The following ANKRD13C variants were observed in gnomAD, a reference collection of about 807,000 sequenced individuals.
ANKRD13C encodes ankyrin repeat domain-containing protein 13C.
Under a neutral mutation model 65.5 loss-of-function variants are expected in ANKRD13C, and 16 were observed. The observed-to-expected ratio is 0.24, with a 90% CI of 0.17 to 0.37. The LOEUF is 0.37. Among genes scored for constraint, ANKRD13C ranks in the 10% least tolerant of loss-of-function variants. The probability of loss-of-function intolerance (pLI) is 1.00; values close to 1 mark genes in which losing one functional copy is unlikely to be tolerated. For missense variants in ANKRD13C, 503 were observed against 655.9 expected (o/e 0.77, Z 2.55); for synonymous variants, 235 against 238.7 (o/e 0.98, Z 0.14).
intron 1 of ANKRD13C, among the ~76,000 whole-genome samples, chr1:70,346,023 G>C (rs1295675514): frequency 3.3e-5 from 5 of 151,400 alleles, no homozygotes; most frequent in African/African-American, 1.2e-4. Context: ...ATAGAGACAG[G>C]GTCTCACTAT....
At chr1:70,338,404 T>TG (rs1553251757) in intron 1 of ANKRD13C, among the ~76,000 whole-genome samples, 3 of 151,686 alleles carry the variant, frequency 2.0e-5, no homozygotes, top group Admixed American at 6.6e-5. Context: ...AGAACAATTT[T>TG]TGTGTGTGTG....
At chr1:70,325,153 T>C (rs962200173) in intron 2 of ANKRD13C, among the ~76,000 whole-genome samples, 196 bp from the exon 3 acceptor site, 1 of 152,212 alleles carries the variant, frequency 6.6e-6, no homozygotes, top group Non-Finnish European at 1.5e-5. Flanking sequence ...ATTTAAAAAG[T>C]ATCCATTCTA....
At chr1:70,297,915 CA>C (rs10710510) in intron 7 of ANKRD13C, among the ~76,000 whole-genome samples, 112,701 of 127,192 alleles carry the variant, frequency 0.89, 49,628 homozygotes, top group East Asian at 0.92. Flanking sequence ...GACTCCATCT[CA>C]AAAAAAAAAA....
Position 70,262,584 on chromosome 1 carries a change from G to A in ANKRD13C, c.*133C>T, listed in dbSNP as rs897896825. 2.8e-5 allele frequency: 28 copies of A among 1,000,432 alleles called. No individual in the cohort carries two copies. The highest frequency in any genetic ancestry group is 2.3e-4 in the Middle Eastern group (1 of 4,362). The allele number at this position is 1,000,432 out of a possible 1,614,324, so 62.0% of individuals were successfully genotyped here. A position where few individuals can be genotyped will look rare whatever the true frequency, so the allele number is the denominator to read the frequency against. On this transcript the variant is annotated 3_prime_UTR_variant, in exon 13 of 13. Coordinates refer to ENST00000370944, the MANE Select transcript of ANKRD13C (RefSeq NM_030816.5). The stretch of plus-strand genomic sequence containing the variant: ...TATTAGAGGCCCATTTCACTGTATC[G>A]TATTACTGATGTGTCGATTCAATGT...
intron 1 of ANKRD13C, among the ~76,000 whole-genome samples, chr1:70,339,209 CAA>C (rs771059976): frequency 4.1e-4 from 41 of 99,882 alleles, no homozygotes; most frequent in Non-Finnish European, 3.9e-4. Context: ...GACCCTATCT[CAA>C]AAAAAAAAAA....
intron 3 of ANKRD13C, 84 bp from the exon 4 acceptor site, chr1:70,315,650 AT>A: frequency 9.7e-7 from 1 of 1,026,350 alleles, no homozygotes; most frequent in Non-Finnish European, 1.4e-6. Flanking sequence ...ATATAGATAG[AT>A]AATACATGTA....
chr1:70,264,551 C>G (rs1286497924), intron 12 of ANKRD13C, among the ~76,000 whole-genome samples: 1 of 145,536 alleles, frequency 6.9e-6, no homozygotes, highest in Non-Finnish European at 1.5e-5. Context: ...TTTTGGAACA[C>G]AACATGCCCA....
intron 12 of ANKRD13C, among the ~76,000 whole-genome samples, chr1:70,269,826 T>C (rs1413921453): frequency 6.6e-6 from 1 of 152,032 alleles, no homozygotes. Flanking sequence ...AATGAAAACA[T>C]TTTGGCCTAA....
intron 2 of ANKRD13C, among the ~76,000 whole-genome samples, chr1:70,330,348 C>T (rs114698679): frequency 0.051 from 7,747 of 151,850 alleles, 293 homozygotes; most frequent in Non-Finnish European, 0.073. Flanking sequence ...ACCTGAGGTA[C>T]GGGGTTTGAG....
At chr1:70,275,452 T>TA (rs532243380) in intron 10 of ANKRD13C, among the ~76,000 whole-genome samples, 4 of 151,012 alleles carry the variant, frequency 2.6e-5, no homozygotes, top group African/African-American at 9.7e-5. Flanking sequence ...CTTATACAGT[T>TA]AAAAAAACAG....
chr1:70,262,656 T>A lies in ANKRD13C; in HGVS notation c.*61A>T. 1 of 1,510,616 alleles carries A rather than the reference T, an allele frequency of 6.6e-7. No homozygotes were observed. The highest frequency in any genetic ancestry group is 8.9e-7 in the Non-Finnish European group (1 of 1,121,932). The allele number at this position is 1,510,616 out of a possible 1,614,324, so 93.6% of individuals were successfully genotyped here. Reference sequence around the variant, plus strand: ...AAAGCATTTGTCCCTTCTATTTGGATCCACTTCTAGGGTCTCTGTATTTTC... The same window carrying A: ...AAAGCATTTGTCCCTTCTATTTGGAACCACTTCTAGGGTCTCTGTATTTTC... On this transcript the variant is annotated 3_prime_UTR_variant, in exon 13 of 13. Transcript: ENST00000370944.
At chr1:70,271,742 A>G (rs922146124) in intron 11 of ANKRD13C, among the ~76,000 whole-genome samples, 2 of 152,204 alleles carry the variant, frequency 1.3e-5, no homozygotes, top group Non-Finnish European at 2.9e-5. Context: ...ATCATTCTGT[A>G]CCAATTTTTC....
At chr1:70,267,435 T>C (rs745510215) in intron 12 of ANKRD13C, among the ~76,000 whole-genome samples, 1 of 152,136 alleles carries the variant, frequency 6.6e-6, no homozygotes, top group Non-Finnish European at 1.5e-5. Context: ...AGTGGCGCGA[T>C]CTTGGCTCAC....
intron 9 of ANKRD13C, among the ~76,000 whole-genome samples, chr1:70,285,565 T>C (rs1679585142): frequency 6.6e-6 from 1 of 152,150 alleles, no homozygotes; most frequent in Admixed American, 6.6e-5. Context: ...CTTGAATTTA[T>C]TTGATAGGTC....
chr1:70,319,384 T>C (rs968978402), intron 3 of ANKRD13C, among the ~76,000 whole-genome samples: 19 of 152,012 alleles, frequency 1.2e-4, no homozygotes, highest in African/African-American at 4.6e-4. Context: ...GCCGGGTGGA[T>C]TGCCTGAGGT....
At chr1:70,267,355 C>T (rs1678674043) in intron 12 of ANKRD13C, among the ~76,000 whole-genome samples, 1 of 152,052 alleles carries the variant, frequency 6.6e-6, no homozygotes, top group Non-Finnish European at 1.5e-5. Flanking sequence ...ACAATTGGAT[C>T]ATGGTTTTTG....
At chr1:70,294,730 A>G (rs72678627) in intron 8 of ANKRD13C, among the ~76,000 whole-genome samples, 79 of 151,892 alleles carry the variant, frequency 5.2e-4, no homozygotes, top group Middle Eastern at 3.4e-3. Flanking sequence ...GGCTCAAGTA[A>G]TCGTCTCACC....
intron 5 of ANKRD13C, among the ~76,000 whole-genome samples, chr1:70,309,349 CG>C (rs1680735638): frequency 6.7e-6 from 1 of 149,384 alleles, no homozygotes; most frequent in South Asian, 2.2e-4. Flanking sequence ...GCTGGGATTA[CG>C]GCGTGAGCCA....
intron 2 of ANKRD13C, among the ~76,000 whole-genome samples, chr1:70,334,438 G>A (rs927064631): frequency 3.3e-5 from 5 of 151,784 alleles, no homozygotes; most frequent in Non-Finnish European, 7.4e-5. Flanking sequence ...TCAAGCCAGG[G>A]CAACAAAGTG....
Sources: gnomAD v4.1 joint callset for allele counts (sites outside exome capture counted in the v4.1 genomes callset) on GRCh38, gnomAD v4.1.1 for gene constraint, MANE v1.5 for transcripts, NCBI Gene and HGNC (gene_info 2026-07-23, HGNC 2026-07-21) for gene names.